TTN: variants seen among roughly 807,000 people sequenced by gnomAD.
TTN encodes the protein titin.
TTN carries 1,525 observed loss-of-function variants against 3,223.0 expected under a neutral mutation model. The ratio of observed to expected loss-of-function variants is 0.47; its 90% CI spans 0.45 to 0.49. The LOEUF is 0.49. TTN is among the 20% of genes least tolerant of loss of function. The pLI, the probability that TTN is intolerant of heterozygous loss-of-function variation, is 0.00. For missense variants in TTN, 40,786 were observed against 43,424.0 expected, an observed-to-expected ratio of 0.94 and a Z score of 5.40; for synonymous variants, 14,094 against 15,161.0, an observed-to-expected ratio of 0.93 and a Z score of 5.17.
At chr2:178,797,630 A>G (rs560384577) in intron 6 of TTN, among the ~76,000 whole-genome samples, 2 of 152,170 alleles carry the variant, frequency 1.3e-5, no homozygotes, top group African/African-American at 4.8e-5. Context: ...TGTATGTTAT[A>G]TACTGTTTCT....
chr2:178,554,683 C>G lies in TTN; in HGVS notation c.88664G>C (p.Trp29555Ser). 1 of 1,613,920 alleles carries G rather than the reference C, an allele frequency of 6.2e-7. No individual in the cohort carries two copies. Among genetic ancestry groups the G allele is most frequent in the Non-Finnish European group, 8.5e-7 (1 of 1,179,848 alleles). The change falls in exon 332 of 363, where the codon TGG (tryptophan) becomes TCG (serine). Residue 29555 changes from tryptophan (W) to serine (S), a missense_variant. Transcript: ENST00000589042. ...ACCACCATCATCAGCTGGAGGCCGC[C>G]AGAGAAGGGTGATCTTCTCAGCAGT... ...TVTAEKITLLWRPPADDGGAK... is the reference protein window; with the variant it reads ...TVTAEKITLLSRPPADDGGAK...
Position 178,570,137 on chromosome 2 carries a change from C to T in TTN, c.75995G>A (p.Gly25332Asp), listed in dbSNP as rs779031787. 1.2e-6 allele frequency: 2 copies of T among 1,613,502 alleles called. No homozygotes were observed. Among genetic ancestry groups the T allele is most frequent in the Non-Finnish European group, 1.7e-6 (2 of 1,179,610 alleles). Residue 25332 changes from glycine to aspartate, a missense_variant, in exon 326 of 363, where the codon GGT (glycine) becomes GAT (aspartate). Gly to Asp is a moderately conservative substitution (Grantham distance 94, BLOSUM62 -1). Coordinates refer to ENST00000589042, the MANE Select transcript of TTN (RefSeq NM_001267550.2). ...AACATATCCAAGAATTTCACTACCA[C>T]CATCAGATGCTGGTCTTTCCCATAC... The part of the protein sequence containing the change: ...IVVWERPASD[G>D]GSEILGYVLE...
intron 92 of TTN, 40 bp downstream of exon 92, chr2:178,713,847 GGAACTACATT>G: frequency 3.2e-6 from 5 of 1,585,236 alleles, no homozygotes; most frequent in Non-Finnish European, 4.3e-6. Context: ...ATGAAAATCA[GGAACTACATT>G]ATTATAATGA....
chr2:178,599,598 T>C lies in TTN; in HGVS notation c.56303A>G (p.Asn18768Ser). 6.2e-7 allele frequency: 1 copy of C among 1,602,320 alleles called. No individual in the cohort carries two copies. The highest frequency in any genetic ancestry group is 8.5e-7 in the Non-Finnish European group (1 of 1,173,486). The change falls in exon 289 of 363, where the codon AAT becomes AGT. Residue 18768 changes from asparagine to serine, a missense_variant. Physicochemically the swap from Asn to Ser is conservative, Grantham distance 46 (BLOSUM62 1). Transcript: ENST00000589042. ...DTGLYTITAV[N>S]NLGTASKEMR... ...CTCCTTTGATGCTGTTCCCAGATTATTTACAGCTGTGATGGTATATAAGCC... is the reference window on the plus strand; with the variant it reads ...CTCCTTTGATGCTGTTCCCAGATTACTTACAGCTGTGATGGTATATAAGCC...
At chr2:178,713,582 G>C (rs2077003940) in intron 92 of TTN, among the ~76,000 whole-genome samples, 1 of 152,100 alleles carries the variant, frequency 6.6e-6, no homozygotes, top group Non-Finnish European at 1.5e-5. Context: ...TGACTTGCTA[G>C]GGATTTTGTT....
In TTN at chr2:178,562,933, A is replaced by T. The variant is rs1426337074; in HGVS notation, c.83199T>A (p.Ile27733=). The change falls in exon 326 of 363, where the codon ATT becomes ATA. Residue 27733 remains isoleucine, a synonymous_variant. Coordinates refer to ENST00000589042, the MANE Select transcript of TTN (RefSeq NM_001267550.2). ...CACTGTCAAATCTGGTAACATTATC[A>T]ATCACCAACATTGTAAATGAGCTGG... ...EVTSSFTMLV[I]DNVTRFDSGR... 5 of 1,613,652 alleles carry T rather than the reference A, an allele frequency of 3.1e-6. No individual in the cohort carries two copies. Among genetic ancestry groups the T allele is most frequent in the Non-Finnish European group, 2.5e-6 (3 of 1,179,748 alleles).
At position 178,771,220 on chromosome 2, in the gene TTN, TG is replaced by T; in HGVS notation, c.8106del (p.Val2704LeufsTer10). 6.2e-7 allele frequency: 1 copy of T among 1,614,052 alleles called. No homozygotes were observed. Among genetic ancestry groups the T allele is most frequent in the South Asian group, 1.1e-5 (1 of 91,086 alleles). On this transcript the variant is annotated frameshift_variant, in exon 34 of 363. Transcript: ENST00000589042. LOFTEE classifies it high-confidence loss of function. The stretch of plus-strand genomic sequence containing the variant: ...ATCCTATGTTACTTGCCTTCAACTT[TG>T]AGTTTGGCAGATGTTTTGGAGGTGG... ...KVATSKTSAK[L>X]KVEAVKIKKT...
At position 178,560,429 on chromosome 2, in the gene TTN, G is replaced by A. The variant is rs756726107; in HGVS notation, c.85703C>T (p.Thr28568Ile). Residue 28568 changes from threonine to isoleucine, a missense_variant, in exon 326 of 363, where the codon ACA (threonine) becomes ATA (isoleucine). Coordinates refer to ENST00000589042, the MANE Select transcript of TTN (RefSeq NM_001267550.2). ...EITSVTKESM[T>I]LCWSRPESDG... ...ACTCTCGGGTCTTGACCAGCAAAGT[G>A]TCATAGATTCTTTGGTCACAGAAGT... 3.1e-6 allele frequency: 5 copies of A among 1,613,454 alleles called. No individual in the cohort carries two copies. Among genetic ancestry groups the A allele is most frequent in the East Asian group, 2.2e-5 (1 of 44,820 alleles).
In TTN at chr2:178,718,509, T is replaced by A; in HGVS notation, c.24597A>T (p.Pro8199=). The change falls in exon 85 of 363, where the codon CCA becomes CCT. Residue 8199 remains proline (P), a synonymous_variant. Coordinates refer to ENST00000589042, the MANE Select transcript of TTN (RefSeq NM_001267550.2). ...CGTCCTTTATCCAGCTCACTGAGAT[T>A]GGAGGTGTGCCAGTGTATGTGGCCT... ...VLEATYTGTP[P]ISVSWIKDEY... 1 of 1,613,772 alleles carries A rather than the reference T, an allele frequency of 6.2e-7. No individual in the cohort carries two copies. Among genetic ancestry groups the A allele is most frequent in the Middle Eastern group, 1.7e-4 (1 of 6,058 alleles).
Position 178,611,850 on chromosome 2 carries a change from G to T in TTN, c.50459C>A (p.Thr16820Lys). The stretch of plus-strand genomic sequence containing the variant: ...AGCCCGAACCTGAAACTGGACCTCT[G>T]TTCCTTCGATGACATCAGTTACTCT... ...NFRVTDVIEG[T>K]EVQFQVRAEN... Residue 16820 changes from threonine (T) to lysine (K), a missense_variant, in exon 268 of 363, where the codon ACA becomes AAA. Physicochemically the swap from Thr to Lys is moderately conservative, Grantham distance 78. Coordinates refer to ENST00000589042, the MANE Select transcript of TTN (RefSeq NM_001267550.2). 6.2e-7 allele frequency: 1 copy of T among 1,612,900 alleles called. No homozygotes were observed.
chr2:178,782,215 T>C lies in TTN; in HGVS notation c.3377A>G (p.Tyr1126Cys). 6.2e-7 allele frequency: 1 copy of C among 1,614,092 alleles called. No homozygotes were observed. Among genetic ancestry groups the C allele is most frequent in the Non-Finnish European group, 8.5e-7 (1 of 1,179,976 alleles). ...CTATATTCAGCCATCAAAATACCTG[T>C]ATCCAGTGGTTAGAGGAACACCAGA... ...KKSGVPLTTG[Y>C]RYKVSYNKQT... The change falls in exon 20 of 363, where the codon TAC (tyrosine) becomes TGC (cysteine). Residue 1126 changes from tyrosine (Y) to cysteine (C), a missense_variant. Tyr to Cys is a radical substitution (Grantham distance 194, BLOSUM62 -2). Transcript: ENST00000589042.
chr2:178,607,922 T>C lies in TTN; in HGVS notation c.52865A>G (p.Lys17622Arg), dbSNP rs763564746. 27 of 1,613,042 alleles carry C rather than the reference T, an allele frequency of 1.7e-5. No homozygotes were observed. The highest frequency in any genetic ancestry group is 2.3e-5 in the Non-Finnish European group (27 of 1,179,306). ...GGTGTACTGACGGACCTTGATCATCTTCTCTGTGCAGCGTGACCATTCATT... is the reference window on the plus strand; with the variant it reads ...GGTGTACTGACGGACCTTGATCATCCTCTCTGTGCAGCGTGACCATTCATT... ...GTNEWSRCTE[K>R]MIKVRQYTVK... The change falls in exon 276 of 363, where the codon AAG (lysine) becomes AGG (arginine). Residue 17622 changes from lysine to arginine, a missense_variant. Coordinates refer to ENST00000589042, the MANE Select transcript of TTN (RefSeq NM_001267550.2).
chr2:178,552,869 T>G lies in TTN; in HGVS notation c.90031A>C (p.Asn30011His), dbSNP rs1553540660. Residue 30011 changes from asparagine (N) to histidine (H), a missense_variant, in exon 335 of 363, where the codon AAT (asparagine) becomes CAT (histidine). Coordinates refer to ENST00000589042, the MANE Select transcript of TTN (RefSeq NM_001267550.2). The part of the protein sequence containing the change: ...TPFFFRVLAE[N>H]EIGIGEPCET... Reference sequence around the variant, plus strand: ...CAGGGTTCCCCAATTCCAATTTCATTTTCTGCAAGAACTCTGAAGAAGAAT... The same window carrying G: ...CAGGGTTCCCCAATTCCAATTTCATGTTCTGCAAGAACTCTGAAGAAGAAT... The G allele has an allele frequency of 1.2e-6, 2 of 1,613,820 alleles. No individual in the cohort carries two copies. Among genetic ancestry groups the G allele is most frequent in the African/African-American group, 2.7e-5 (2 of 75,054 alleles).
At position 178,731,115 on chromosome 2, in the gene TTN, C is replaced by A; in HGVS notation, c.17550G>T (p.Lys5850Asn). The change falls in exon 60 of 363, where the codon AAG (lysine) becomes AAT (asparagine). Residue 5850 changes from lysine (K) to asparagine (N), a missense_variant. Physicochemically the swap from Lys to Asn is moderately conservative, Grantham distance 94 (BLOSUM62 0). Transcript: ENST00000589042. ...CTTTAAACCATTTGGCTGTAATCTC[C>A]TTAGTCCCTGAAAATTTAACCTGCA... ...ATLQVKFSGTKEITAKWFKDG... is the reference protein window; with the variant it reads ...ATLQVKFSGTNEITAKWFKDG... 6.2e-7 allele frequency: 1 copy of A among 1,613,702 alleles called. No homozygotes were observed. The highest frequency in any genetic ancestry group is 8.5e-7 in the Non-Finnish European group (1 of 1,179,722).
In TTN at chr2:178,634,645, T is replaced by G. The variant is rs1301849298; in HGVS notation, c.42152-16A>C. On this transcript the variant is annotated splice_polypyrimidine_tract_variant and intron_variant, in intron 229 of 362. Transcript: ENST00000589042. This position sits in a 1 kb window ranked among gnomAD's most constrained non-coding sequence, Gnocchi z 4.6. The stretch of plus-strand genomic sequence containing the variant: ...AGTTCGATTTCTGAAAATCAGACAT[T>G]AAGAATGAGGCTTTTCAGAATGCAC... The G allele has an allele frequency of 1.2e-6, 2 of 1,612,438 alleles. No individual in the cohort carries two copies. Among genetic ancestry groups the G allele is most frequent in the South Asian group, 1.1e-5 (1 of 90,874 alleles).
chr2:178,736,608 C>T (rs1474759752), intron 49 of TTN, among the ~76,000 whole-genome samples: 1 of 152,198 alleles, frequency 6.6e-6, no homozygotes, highest in Non-Finnish European at 1.5e-5. Context: ...ATAGCAGCAA[C>T]TTCCCCTTTC....
chr2:178,784,490 GA>G, intron 15 of TTN, 139 bp from the exon 16 acceptor site: 2 of 1,069,238 alleles, frequency 1.9e-6, no homozygotes, highest in Non-Finnish European at 2.6e-6. Context: ...CACAGTTAAT[GA>G]AAAGTCATTT....
intron 241 of TTN, 33 bp downstream of exon 241, chr2:178,625,240 T>C: frequency 6.2e-7 from 1 of 1,600,462 alleles, no homozygotes. Context: ...GCCTCTGCCT[T>C]ATACATGTTT....
Position 178,718,718 on chromosome 2 carries a change from C to T in TTN, c.24482G>A (p.Cys8161Tyr), listed in dbSNP as rs372143487. 24 of 1,613,590 alleles carry T rather than the reference C, an allele frequency of 1.5e-5. No individual in the cohort carries two copies. Among genetic ancestry groups the T allele is most frequent in the Non-Finnish European group, 1.9e-5 (23 of 1,179,706 alleles). Residue 8161 changes from cysteine (C) to tyrosine (Y), a missense_variant, in exon 84 of 363, where the codon TGT becomes TAT. By Grantham distance (194) the Cys-to-Tyr change is radical. Coordinates refer to ENST00000589042, the MANE Select transcript of TTN (RefSeq NM_001267550.2). ...LVTNDAGSAS[C>Y]TTHLFVKEPA... is the part of the protein sequence containing the mutation. ...ACCTTTCACAAAAAGATGTGTGGTA[C>T]AGGAAGCACTGCCAGCATCATTTGT...
Sources: allele counts gnomAD v4.1 joint callset (sites outside exome capture counted in the v4.1 genomes callset), GRCh38; gene constraint gnomAD v4.1.1; non-coding constraint Gnocchi (gnomAD v3.1); transcripts MANE v1.5; gene names NCBI Gene and HGNC (gene_info 2026-07-23, HGNC 2026-07-21).